PCSK5: variants seen among roughly 807,000 people sequenced by gnomAD.
PCSK5 encodes prohormone convertase 5.
A neutral mutation model predicts 233.2 loss-of-function variants in PCSK5; 129 were observed. That is an observed-to-expected ratio of 0.55 (90% confidence interval 0.48 to 0.64). The LOEUF (loss-of-function observed/expected upper bound fraction) is 0.64. PCSK5 is among the 30% of genes least tolerant of loss of function. PCSK5 has a pLI of 0.00. For missense variants in PCSK5, 2,076 were observed against 2,430.1 expected (o/e 0.85, Z 3.06); for synonymous variants, 825 against 879.2 (o/e 0.94, Z 1.09).
At chr9:76,298,042 A>G (rs770942921) in intron 27 of PCSK5, among the ~76,000 whole-genome samples, 2 of 152,154 alleles carry the variant, frequency 1.3e-5, no homozygotes, top group Non-Finnish European at 2.9e-5. Flanking sequence ...AATGCTGAAA[A>G]TGAGTTTGTT....
At chr9:75,928,629 AT>A (rs1823627011) in intron 1 of PCSK5, among the ~76,000 whole-genome samples, 2 of 117,042 alleles carry the variant, frequency 1.7e-5, no homozygotes, top group African/African-American at 7.2e-5. Context: ...ATATATATAT[AT>A]ATATATATAA....
At chr9:76,097,741 A>G (rs1831595539) in intron 8 of PCSK5, among the ~76,000 whole-genome samples, 1 of 152,268 alleles carries the variant, frequency 6.6e-6, no homozygotes, top group South Asian at 2.1e-4. Context: ...TGAGGAAGGC[A>G]GTAAAAAGTG....
intron 24 of PCSK5, among the ~76,000 whole-genome samples, chr9:76,251,529 A>G (rs1403923678): frequency 4.1e-5 from 6 of 147,640 alleles, no homozygotes; most frequent in African/African-American, 1.5e-4. Flanking sequence ...GTGCCACTGC[A>G]CTCCAGCCTG....
chr9:76,331,192 G>A (rs952547703), intron 33 of PCSK5, among the ~76,000 whole-genome samples: 17 of 152,238 alleles, frequency 1.1e-4, no homozygotes, highest in African/African-American at 3.1e-4. Flanking sequence ...TTTGGACATC[G>A]TGGTAGACTG....
chr9:76,001,944 C>A (rs975624029), intron 3 of PCSK5, among the ~76,000 whole-genome samples: 2 of 152,126 alleles, frequency 1.3e-5, no homozygotes, highest in Admixed American at 1.3e-4. Context: ...TCGTTCTATC[C>A]TCCCAGGACT....
intron 1 of PCSK5, among the ~76,000 whole-genome samples, chr9:75,906,516 C>T (rs892675269): frequency 1.3e-5 from 2 of 152,108 alleles, no homozygotes; most frequent in Non-Finnish European, 2.9e-5. Flanking sequence ...TGAGTCACTG[C>T]GCCCAGCCGC....
intron 35 of PCSK5, among the ~76,000 whole-genome samples, chr9:76,340,755 T>C (rs940446047): frequency 1.3e-5 from 2 of 152,100 alleles, no homozygotes; most frequent in Non-Finnish European, 1.5e-5. Flanking sequence ...CTTTGTATCC[T>C]ACCTACTCTT....
intron 8 of PCSK5, among the ~76,000 whole-genome samples, chr9:76,097,817 G>A (rs28703058): frequency 0.014 from 2,143 of 152,298 alleles, 55 homozygotes; most frequent in African/African-American, 0.049. Context: ...GCCCAACACT[G>A]TGCTGCTGAT....
In PCSK5 at chr9:76,296,937, G is replaced by A. The variant is rs1225715216; in HGVS notation, c.3523+72G>A. ...CTGCTTCCCTCCTTCTATAACTCTG[G>A]TTTTTTTAGTTATCCAGGAGAGAAA... is the stretch of plus-strand genomic sequence containing the variant. On this transcript the variant is annotated intron_variant, in intron 27 of 37. Coordinates refer to ENST00000674117, the MANE Select transcript of PCSK5 (RefSeq NM_001372043.1). The A allele has an allele frequency of 4.2e-6, 4 of 953,836 alleles. No homozygotes were observed. The East Asian group carries it at 7.2e-5, about 17-fold the overall frequency. 59.1% of individuals were successfully genotyped at this position (953,836 alleles called of 1,614,324 possible). A position where few individuals can be genotyped will look rare whatever the true frequency, so the allele number is the denominator to read the frequency against.
chr9:76,131,067 A>T (rs992899495), intron 9 of PCSK5, among the ~76,000 whole-genome samples: 2 of 152,094 alleles, frequency 1.3e-5, no homozygotes, highest in African/African-American at 4.8e-5. Flanking sequence ...GTCCTAAATT[A>T]TGGTTGTGGA....
chr9:75,934,567 GT>G (rs1823963393), intron 2 of PCSK5, among the ~76,000 whole-genome samples: 2 of 151,196 alleles, frequency 1.3e-5, no homozygotes, highest in Non-Finnish European at 3.0e-5. Context: ...GGGTTCCTAA[GT>G]TTTTTTGTTT....
chr9:76,336,539 G>A (rs1402966529), intron 34 of PCSK5, among the ~76,000 whole-genome samples: 1 of 152,116 alleles, frequency 6.6e-6, no homozygotes, highest in African/African-American at 2.4e-5. Context: ...GCGTTTAACA[G>A]TTAAGCTCAA....
intron 3 of PCSK5, among the ~76,000 whole-genome samples, chr9:76,017,183 C>A (rs1213741563): frequency 1.3e-5 from 2 of 152,120 alleles, no homozygotes; most frequent in Non-Finnish European, 2.9e-5. Context: ...TGCACCCCCT[C>A]CCCAGGCTCC....
chr9:76,198,456 A>C (rs1824784221), intron 20 of PCSK5, among the ~76,000 whole-genome samples: 1 of 152,216 alleles, frequency 6.6e-6, no homozygotes, highest in African/African-American at 2.4e-5. Flanking sequence ...CACAAAAATC[A>C]GGCCGATAGA....
intron 9 of PCSK5, among the ~76,000 whole-genome samples, chr9:76,116,278 AAAAG>A (rs1190701321): frequency 1.3e-5 from 2 of 152,258 alleles, no homozygotes; most frequent in East Asian, 3.9e-4. Context: ...ATGTAACACA[AAAAG>A]AAAGACATTG....
intron 2 of PCSK5, among the ~76,000 whole-genome samples, chr9:75,976,063 A>G (rs1826000334): frequency 6.6e-6 from 1 of 152,200 alleles, no homozygotes; most frequent in African/African-American, 2.4e-5. Flanking sequence ...CTTTTAATAC[A>G]TGAGCAATCG....
chr9:76,128,880 C>A (rs1421097603), intron 9 of PCSK5, among the ~76,000 whole-genome samples: 1 of 152,068 alleles, frequency 6.6e-6, no homozygotes, highest in African/African-American at 2.4e-5. Flanking sequence ...CAATTTTAGG[C>A]CTGAAACTTT....
intron 1 of PCSK5, among the ~76,000 whole-genome samples, chr9:75,905,681 G>C (rs1231547830): frequency 6.6e-6 from 1 of 152,216 alleles, no homozygotes; most frequent in Admixed American, 6.5e-5. Flanking sequence ...TAAGGGGCAG[G>C]TGAGCCGCTC....
At chr9:76,281,947 C>G (rs964908418) in intron 24 of PCSK5, among the ~76,000 whole-genome samples, 3 of 152,002 alleles carry the variant, frequency 2.0e-5, no homozygotes, top group Admixed American at 6.6e-5. Flanking sequence ...TTGCACCTGG[C>G]CTAAGTCTTA....
Sources: gnomAD v4.1 joint callset for allele counts (sites outside exome capture counted in the v4.1 genomes callset) on GRCh38, gnomAD v4.1.1 for gene constraint, MANE v1.5 for transcripts, NCBI Gene and HGNC (gene_info 2026-07-23, HGNC 2026-07-21) for gene names.